The following VAV1 variants were observed in gnomAD, a reference collection of about 807,000 sequenced individuals.
The protein encoded by VAV1 is vav guanine nucleotide exchange factor 1.
In VAV1, 33 loss-of-function variants were observed where a neutral mutation model predicts 128.1. The observed-to-expected ratio is 0.26, with a 90% CI of 0.20 to 0.34. The LOEUF (loss-of-function observed/expected upper bound fraction) is 0.34. Ranked by LOEUF, VAV1 falls within the 10% of genes least tolerant of loss-of-function variation. The pLI, the probability that VAV1 is intolerant of heterozygous loss-of-function variation, is 1.00. For missense variants in VAV1, 715 were observed against 1,093.7 expected, an observed-to-expected ratio of 0.65 and a Z score of 4.88; for synonymous variants, 394 against 409.8, an observed-to-expected ratio of 0.96 and a Z score of 0.47.
rs138125506 is a variant in VAV1 at position 6,855,505 on chromosome 19, A to T, written c.2484+1407A>T. Among the ~76,000 whole-genome samples the T allele has an allele frequency of 6.7e-3, 1,013 of 152,124 alleles. 10 individuals are homozygous for T. The highest frequency in any genetic ancestry group is 0.023 in the African/African-American group (974 of 41,492). ...TCCATCCATTTCAACCTACGCATCTATCCATTCATCCACCCACCCTTCCAC... is the reference window on the plus strand; with the variant it reads ...TCCATCCATTTCAACCTACGCATCTTTCCATTCATCCACCCACCCTTCCAC... On this transcript the variant is annotated intron_variant, in intron 26 of 26. Coordinates refer to ENST00000602142, the MANE Select transcript of VAV1 (RefSeq NM_005428.4).
rs1176830481 is a variant in VAV1, at chr19:6,826,135, C to T, written c.828-477C>T. Among the ~76,000 whole-genome samples the T allele has an allele frequency of 6.6e-6, 1 of 151,930 alleles. No homozygotes were observed. Among genetic ancestry groups the T allele is most frequent in the Non-Finnish European group, 1.5e-5 (1 of 67,970 alleles). On this transcript the variant is annotated intron_variant, in intron 8 of 26. Transcript: ENST00000602142. The surrounding 1 kb of genome is among the most constrained non-coding windows in gnomAD (Gnocchi z 4.1). ...GGCAGATCACTTGAGGTCAGGAGTT[C>T]GAGACCAGCCTGGCCAACATGGCAA...
intron 1 of VAV1, among the ~76,000 whole-genome samples, chr19:6,798,791 G>A (rs953145033): frequency 1.3e-5 from 2 of 152,148 alleles, no homozygotes; most frequent in African/African-American, 4.8e-5. Flanking sequence ...GATTACAGGT[G>A]TGTGCCACTG....
chr19:6,812,312 G>C (rs1009966955), intron 1 of VAV1, among the ~76,000 whole-genome samples: 2 of 152,148 alleles, frequency 1.3e-5, no homozygotes, highest in Non-Finnish European at 2.9e-5. Context: ...TTCTCTCTCT[G>C]AGTGATGAGT....
intron 1 of VAV1, among the ~76,000 whole-genome samples, chr19:6,813,321 C>G (rs1050846399): frequency 6.6e-6 from 1 of 152,160 alleles, no homozygotes; most frequent in Non-Finnish European, 1.5e-5. Flanking sequence ...ACATGGTCGC[C>G]GGTGAGTGGT....
chr19:6,850,117 C>T (rs1337291974), intron 23 of VAV1, among the ~76,000 whole-genome samples: 3 of 149,646 alleles, frequency 2.0e-5, no homozygotes, highest in African/African-American at 7.4e-5. Flanking sequence ...TTATTTTTGG[C>T]TCCTGTGAAT....
intron 13 of VAV1, 129 bp from the exon 14 acceptor site, chr19:6,829,657 T>C: frequency 1.5e-6 from 2 of 1,373,210 alleles, no homozygotes; most frequent in South Asian, 1.3e-5. Context: ...GATGGACAGG[T>C]GGGCATGGCC....
At chr19:6,842,987 C>T in intron 21 of VAV1, 148 bp from the exon 22 acceptor site, 1 of 801,908 alleles carries the variant, frequency 1.2e-6, no homozygotes, top group Non-Finnish European at 2.1e-6. Flanking sequence ...GGACTTTATC[C>T]CCAGTGAGTA....
In VAV1 at chr19:6,772,802, G is replaced by A. The variant is rs1365111804; in HGVS notation, c.-6G>A. ...GTGCACGGCCGGCCCTGGGCAGGCGGTAGCCATGGAGCTGTGGCGCCAATG... is the reference window on the plus strand; with the variant it reads ...GTGCACGGCCGGCCCTGGGCAGGCGATAGCCATGGAGCTGTGGCGCCAATG... On this transcript the variant is annotated 5_prime_UTR_variant, in exon 1 of 27. Transcript: ENST00000602142. This position sits in a 1 kb window ranked among gnomAD's most constrained non-coding sequence, Gnocchi z 4.8. 1 of 1,612,114 alleles carries A rather than the reference G, an allele frequency of 6.2e-7. No individual in the cohort carries two copies. Among genetic ancestry groups the A allele is most frequent in the Non-Finnish European group, 8.5e-7 (1 of 1,179,452 alleles).
chr19:6,776,322 AT>A (rs1970630496), intron 1 of VAV1, among the ~76,000 whole-genome samples: 1 of 114,070 alleles, frequency 8.8e-6, no homozygotes, highest in Non-Finnish European at 1.8e-5. Context: ...CCATCCATCC[AT>A]CTGCTCATCC....
intron 8 of VAV1, among the ~76,000 whole-genome samples, chr19:6,825,637 C>T (rs992882715): frequency 3.2e-4 from 49 of 152,224 alleles, no homozygotes; most frequent in African/African-American, 1.1e-3. Context: ...CAGTGGGCCA[C>T]AGGAATGTGC....
intron 21 of VAV1, among the ~76,000 whole-genome samples, chr19:6,840,080 T>C (rs1275748993): frequency 2.0e-5 from 3 of 152,146 alleles, no homozygotes; most frequent in Non-Finnish European, 4.4e-5. Context: ...TCCAGAACAC[T>C]TTTCATCTTG....
At chr19:6,837,756 A>G (rs1377576732) in intron 21 of VAV1, among the ~76,000 whole-genome samples, 1 of 152,106 alleles carries the variant, frequency 6.6e-6, no homozygotes, top group Non-Finnish European at 1.5e-5. Flanking sequence ...CACACATAGT[A>G]TTTATTTTTC....
intron 1 of VAV1, among the ~76,000 whole-genome samples, chr19:6,818,082 C>T (rs1015200761): frequency 2.6e-5 from 4 of 151,870 alleles, no homozygotes; most frequent in Admixed American, 2.6e-4. Context: ...CACCTCCCAA[C>T]GTGCTGGGAT....
chr19:6,847,965 C>T (rs376501253), intron 22 of VAV1, 33 bp from the exon 23 acceptor site: 23 of 1,451,200 alleles, frequency 1.6e-5, no homozygotes, highest in South Asian at 1.5e-4. Flanking sequence ...GCACGGGGAC[C>T]GTGCCACCTC....
chr19:6,776,791 T>G (rs1970653693), intron 1 of VAV1, among the ~76,000 whole-genome samples: 1 of 151,246 alleles, frequency 6.6e-6, no homozygotes. Context: ...GGCGTCTCAC[T>G]CTGTCACCCA....
chr19:6,810,001 T>C (rs1568297058), intron 1 of VAV1, among the ~76,000 whole-genome samples: 1 of 151,852 alleles, frequency 6.6e-6, no homozygotes, highest in Non-Finnish European at 1.5e-5. Flanking sequence ...CAAGACCCTG[T>C]ATCTACAAAA....
chr19:6,837,226 C>G (rs975332502), intron 21 of VAV1, among the ~76,000 whole-genome samples, 176 bp downstream of exon 21: 1 of 152,172 alleles, frequency 6.6e-6, no homozygotes, highest in Non-Finnish European at 1.5e-5. Flanking sequence ...GAGGGGCCAC[C>G]CTGGAAACAA....
At chr19:6,802,055 T>C (rs1971285668) in intron 1 of VAV1, among the ~76,000 whole-genome samples, 1 of 151,812 alleles carries the variant, frequency 6.6e-6, no homozygotes, top group Non-Finnish European at 1.5e-5. Flanking sequence ...TACGTTTGTT[T>C]AAAGGACCAT....
intron 22 of VAV1, among the ~76,000 whole-genome samples, chr19:6,844,063 C>CTTCTT (rs1972451348): frequency 4.7e-5 from 1 of 21,282 alleles, no homozygotes; most frequent in Non-Finnish European, 1.1e-4. Flanking sequence ...TCTTCTTCTT[C>CTTCTT]TTTTTTTTTT....
Sources: gnomAD v4.1 joint callset for allele counts (sites outside exome capture counted in the v4.1 genomes callset) on GRCh38, gnomAD v4.1.1 for gene constraint, Gnocchi (gnomAD v3.1) non-coding constraint, MANE v1.5 for transcripts, NCBI Gene and HGNC (gene_info 2026-07-23, HGNC 2026-07-21) for gene names.